ATP6V0D2: variants seen among roughly 807,000 people sequenced by gnomAD.
The protein encoded by ATP6V0D2 is V-type proton ATPase subunit d 2.
ATP6V0D2 carries 40 observed loss-of-function variants against 40.0 expected under a neutral mutation model. The ratio of observed to expected loss-of-function variants is 1.00; its 90% CI spans 0.78 to 1.30. The LOEUF is 1.30. ATP6V0D2 is among the 50% of genes most tolerant of loss of function. ATP6V0D2 has a pLI of 0.00. For synonymous variants in ATP6V0D2, 179 were observed against 156.3 expected (o/e 1.15, Z -1.08); for missense variants, 470 against 423.1 (o/e 1.11, Z -0.97).
chr8:86,101,030 C>T (rs934019036), intron 1 of ATP6V0D2, among the ~76,000 whole-genome samples: 3 of 151,626 alleles, frequency 2.0e-5, no homozygotes, highest in Non-Finnish European at 4.4e-5. Context: ...ACCTGTAATC[C>T]CAGCTACTCA....
chr8:86,118,188 G>A (rs549933008), intron 2 of ATP6V0D2, among the ~76,000 whole-genome samples: 2 of 145,242 alleles, frequency 1.4e-5, no homozygotes, highest in Non-Finnish European at 3.0e-5. Context: ...AGCCTCAGGA[G>A]TAGTTGGAAT....
intron 1 of ATP6V0D2, among the ~76,000 whole-genome samples, chr8:86,102,501 A>G (rs1389320692): frequency 6.6e-6 from 1 of 152,206 alleles, no homozygotes; most frequent in African/African-American, 2.4e-5. Flanking sequence ...CCAAGATTAA[A>G]TTTGCTTTCA....
chr8:86,127,488 T>C (rs1054624978), intron 2 of ATP6V0D2, among the ~76,000 whole-genome samples: 1 of 151,890 alleles, frequency 6.6e-6, no homozygotes, highest in Non-Finnish European at 1.5e-5. Flanking sequence ...CAGGGTCTTA[T>C]TCTGTCACCC....
chr8:86,133,498 T>G (rs535292134), intron 2 of ATP6V0D2, among the ~76,000 whole-genome samples: 14 of 151,766 alleles, frequency 9.2e-5, no homozygotes, highest in African/African-American at 3.4e-4. Flanking sequence ...AATTTTTGTA[T>G]TTTTAGTAGA....
chr8:86,141,715 G>C (rs1818977048), intron 4 of ATP6V0D2, among the ~76,000 whole-genome samples, 186 bp downstream of exon 4: 1 of 152,126 alleles, frequency 6.6e-6, no homozygotes, highest in Non-Finnish European at 1.5e-5. Context: ...GCTTCCCCTA[G>C]CCAGCAAGAT....
chr8:86,104,388 G>A (rs1818440587), intron 1 of ATP6V0D2, among the ~76,000 whole-genome samples: 1 of 151,978 alleles, frequency 6.6e-6, no homozygotes, highest in Non-Finnish European at 1.5e-5. Flanking sequence ...GGAATATTCT[G>A]CATTTAAAAG....
rs77579521 is a variant in ATP6V0D2 at position 86,127,048 on chromosome 8, C to A, written c.303-12409C>A. ...CTTCAAGGAAAAACAAGTGTGACAGCAAAATTGTTTGCTTTTTCAAATTAT... is the reference window on the plus strand; with the variant it reads ...CTTCAAGGAAAAACAAGTGTGACAGAAAAATTGTTTGCTTTTTCAAATTAT... On this transcript the variant is annotated intron_variant, in intron 2 of 7. Transcript: ENST00000285393. Among the ~76,000 whole-genome samples, 1,431 of 152,262 alleles carry A rather than the reference C, an allele frequency of 9.4e-3. 21 individuals carry two copies. The highest frequency in any genetic ancestry group is 0.033 in the African/African-American group (1,351 of 41,546).
In ATP6V0D2 at chr8:86,113,845, C is replaced by T; in HGVS notation, c.267C>T (p.Ser89=). Residue 89 remains serine (S), a synonymous_variant, in exon 2 of 8, where the codon TCC becomes TCT. Coordinates refer to ENST00000285393, the MANE Select transcript of ATP6V0D2 (RefSeq NM_152565.1). ...AATTTGAGTATTTCCGGAATCATTC[C>T]CTGGAGCCCCTCAGCACATTTCTCA... is the stretch of plus-strand genomic sequence containing the variant. The part of the protein sequence containing the change: ...CGEFEYFRNH[S]LEPLSTFLTY... 1 of 1,613,780 alleles carries T rather than the reference C, an allele frequency of 6.2e-7. No individual in the cohort carries two copies. Among genetic ancestry groups the T allele is most frequent in the Non-Finnish European group, 8.5e-7 (1 of 1,179,864 alleles).
At chr8:86,113,535 A>T (rs1374722137) in intron 1 of ATP6V0D2, among the ~76,000 whole-genome samples, 174 bp from the exon 2 acceptor site, 2 of 152,194 alleles carry the variant, frequency 1.3e-5, no homozygotes, top group African/African-American at 4.8e-5. Flanking sequence ...TATTCACATA[A>T]CATTTTTGTT....
At chr8:86,114,638 C>T (rs567363943) in intron 2 of ATP6V0D2, among the ~76,000 whole-genome samples, 2 of 152,032 alleles carry the variant, frequency 1.3e-5, no homozygotes, top group East Asian at 3.9e-4. Context: ...CCACTGCACT[C>T]CAGCGAGGGC....
chr8:86,115,358 A>ATTTTTTTTTTTTTTTTT lies in ATP6V0D2; in HGVS notation c.302+1490_302+1506dup, dbSNP rs564384965. Among the ~76,000 whole-genome samples, 4 of 73,278 alleles carry ATTTTTTTTTTTTTTTTT rather than the reference A, an allele frequency of 5.5e-5. 1 individual carries two copies. The highest frequency in any genetic ancestry group is 2.2e-4 in the African/African-American group (4 of 17,846). The allele number at this position is 73,278 out of a possible 152,430, so 48.1% of individuals were successfully genotyped here. ...CTTTCTTTGTCCTTCCGTATCATCC[A>ATTTTTTTTTTTTTTTTT]TTTTTTTTTTTTTTTTTTTTTTTTT... On this transcript the variant is annotated intron_variant, in intron 2 of 7. Transcript: ENST00000285393.
Position 86,151,474 on chromosome 8 carries a change from A to T in ATP6V0D2, c.825A>T (p.Lys275Asn). ...KNVADHYGVY[K>N]PLFEAVGGSG... ...ATGTCTTTGTTTTTAAGGTATACAAACCTTTATTTGAAGCTGTAGGTGGCA... is the reference window on the plus strand; with the variant it reads ...ATGTCTTTGTTTTTAAGGTATACAATCCTTTATTTGAAGCTGTAGGTGGCA... Residue 275 changes from lysine (K) to asparagine (N), a missense_variant, in exon 7 of 8, where the codon AAA (lysine) becomes AAT (asparagine). Physicochemically the swap from Lys to Asn is moderately conservative, Grantham distance 94. Transcript: ENST00000285393. 1 of 1,602,262 alleles carries T rather than the reference A, an allele frequency of 6.2e-7. No homozygotes were observed. Among genetic ancestry groups the T allele is most frequent in the Non-Finnish European group, 8.5e-7 (1 of 1,174,460 alleles).
chr8:86,105,537 A>T lies in ATP6V0D2; in HGVS notation c.130+6429A>T, dbSNP rs190763131. 2.0e-5 allele frequency among the ~76,000 whole-genome samples: 3 copies of T among 151,374 alleles called. No homozygotes were observed. In the East Asian group the frequency reaches 5.9e-4, roughly 30 times the overall value. Reference sequence around the variant, plus strand: ...GGTCTTGAACTCCTGAGCTCAAGTGATCTGCCCACCTCAGCCTCCCAAAGT... The same window carrying T: ...GGTCTTGAACTCCTGAGCTCAAGTGTTCTGCCCACCTCAGCCTCCCAAAGT... On this transcript the variant is annotated intron_variant, in intron 1 of 7. Transcript: ENST00000285393.
At chr8:86,104,982 A>G (rs898852828) in intron 1 of ATP6V0D2, among the ~76,000 whole-genome samples, 5 of 152,078 alleles carry the variant, frequency 3.3e-5, no homozygotes, top group Admixed American at 1.3e-4. Context: ...CTAGAGCTGC[A>G]CCTTCAATCA....
At chr8:86,134,984 A>T (rs1409886707) in intron 2 of ATP6V0D2, among the ~76,000 whole-genome samples, 1 of 144,936 alleles carries the variant, frequency 6.9e-6, no homozygotes, top group Admixed American at 6.8e-5. Flanking sequence ...AAATGGCAAA[A>T]TTATAGAGTG....
rs1563566104 is a variant in ATP6V0D2 at position 86,145,223 on chromosome 8, GA to G, written c.639+2272del. 3.3e-3 allele frequency among the ~76,000 whole-genome samples: 104 copies of G among 31,656 alleles called. 6 individuals are homozygous for G. The highest frequency in any genetic ancestry group is 4.8e-3 in the Non-Finnish European group (78 of 16,418). The allele number at this position is 31,656 out of a possible 152,430, so 20.8% of individuals were successfully genotyped here. ...AGAAAGAAAGAAAGAAAGAAAGAAA[GA>G]AAGAAAGAAAGAGAGAGAGAGAGAG... On this transcript the variant is annotated intron_variant, in intron 5 of 7. Coordinates refer to ENST00000285393, the MANE Select transcript of ATP6V0D2 (RefSeq NM_152565.1).
chr8:86,114,031 G>A, intron 2 of ATP6V0D2, 151 bp downstream of exon 2: 2 of 640,582 alleles, frequency 3.1e-6, no homozygotes, highest in Non-Finnish European at 4.8e-6. Context: ...CAACTGATAA[G>A]CTCATAGAGC....
chr8:86,118,430 G>A (rs912077966), intron 2 of ATP6V0D2, among the ~76,000 whole-genome samples: 14 of 151,788 alleles, frequency 9.2e-5, no homozygotes, highest in African/African-American at 3.1e-4. Flanking sequence ...GTATCTGCAA[G>A]GCCCTTCCTA....
At chr8:86,148,935 A>T (rs1033087461) in intron 5 of ATP6V0D2, among the ~76,000 whole-genome samples, 5 of 151,404 alleles carry the variant, frequency 3.3e-5, no homozygotes, top group Non-Finnish European at 7.4e-5. Context: ...GCATGGTGTC[A>T]CATGCCTGTA....
Sources: gnomAD v4.1 joint callset for allele counts (sites outside exome capture counted in the v4.1 genomes callset) on GRCh38, gnomAD v4.1.1 for gene constraint, MANE v1.5 for transcripts, NCBI Gene and HGNC (gene_info 2026-07-23, HGNC 2026-07-21) for gene names.